Variants in MYC observed in about 807,000 individuals in gnomAD.
MYC encodes the protein myc proto-oncogene protein.
MYC carries 1 observed loss-of-function variant against 30.5 expected under a neutral mutation model. That is an observed-to-expected ratio of 0.03 (90% confidence interval 0.01 to 0.16). The LOEUF is 0.16. Ranked by LOEUF, MYC falls within the 10% of genes least tolerant of loss-of-function variation. MYC has a pLI of 1.00. For synonymous variants in MYC, 267 were observed against 250.7 expected (o/e 1.07, Z -0.62); for missense variants, 508 against 589.0 (o/e 0.86, Z 1.42).
At position 127,741,104 on chromosome 8, in the gene MYC, A is replaced by T; in HGVS notation, c.*146A>T. The T allele has an allele frequency of 1.5e-6, 1 of 654,916 alleles. No homozygotes were observed. The highest frequency in any genetic ancestry group is 3.2e-5 in the East Asian group (1 of 31,652). The allele number at this position is 654,916 out of a possible 1,614,324, so 40.6% of individuals were successfully genotyped here. On this transcript the variant is annotated 3_prime_UTR_variant, in exon 3 of 3. Transcript: ENST00000621592. ...ATTTAGCCATAATGTAAACTGCCTC[A>T]AATTGGACTTTGGGCATAAAAGAAC...
Position 127,740,890 on chromosome 8 carries a change from G to C in MYC, c.1297G>C (p.Asp433His), listed in dbSNP as rs1813699795. 6.2e-7 allele frequency: 1 copy of C among 1,607,606 alleles called. No individual in the cohort carries two copies. The highest frequency in any genetic ancestry group is 8.5e-7 in the Non-Finnish European group (1 of 1,178,184). Residue 433 changes from aspartate to histidine, a missense_variant, in exon 3 of 3, where the codon GAC becomes CAC. By Grantham distance (81) the Asp-to-His change is moderately conservative (BLOSUM62 -1). Coordinates refer to ENST00000621592, the MANE Select transcript of MYC (RefSeq NM_002467.6). ...GGAGCAAAAGCTCATTTCTGAAGAG[G>C]ACTTGTTGCGGAAACGACGAGAACA...
chr8:127,738,905 G>A lies in MYC; in HGVS notation c.688G>A (p.Ala230Thr), dbSNP rs1476455361. 1 of 1,610,874 alleles carries A rather than the reference G, an allele frequency of 6.2e-7. No individual in the cohort carries two copies. Among genetic ancestry groups the A allele is most frequent in the Non-Finnish European group, 8.5e-7 (1 of 1,179,982 alleles). ...GTCCTGCGCCTCGCAAGACTCCAGC[G>A]CCTTCTCTCCGTCCTCGGATTCTCT... The change falls in exon 2 of 3, where the codon GCC becomes ACC. Residue 230 changes from alanine (A) to threonine (T), a missense_variant. Transcript: ENST00000621592. The surrounding 1 kb of genome is among the most constrained non-coding windows in gnomAD (Gnocchi z 7.6).
Position 127,740,510 on chromosome 8 carries a change from C to T in MYC, c.917C>T (p.Pro306Leu), listed in dbSNP as rs766292378. The T allele has an allele frequency of 2.5e-6, 4 of 1,614,104 alleles. No individual in the cohort carries two copies. The South Asian group carries it at 3.3e-5, about 13-fold the overall frequency. The change falls in exon 3 of 3, where the codon CCT (proline) becomes CTT (leucine). Residue 306 changes from proline (P) to leucine (L), a missense_variant. By Grantham distance (98) the Pro-to-Leu change is moderately conservative (BLOSUM62 -3). Coordinates refer to ENST00000621592, the MANE Select transcript of MYC (RefSeq NM_002467.6). ...TCTGCTGGAGGCCACAGCAAACCTC[C>T]TCACAGCCCACTGGTCCTCAAGAGG...
chr8:127,738,225 C>A lies in MYC; in HGVS notation c.31-23C>A. ...GACCCCTTTAACTCAAGACTGCCTC[C>A]CGCTTTGTGTGCCCCGCTCCAGCAG... is the stretch of plus-strand genomic sequence containing the variant. On this transcript the variant is annotated intron_variant, in intron 1 of 2. Coordinates refer to ENST00000621592, the MANE Select transcript of MYC (RefSeq NM_002467.6). The surrounding 1 kb of genome is among the most constrained non-coding windows in gnomAD (Gnocchi z 7.6). 1.9e-6 allele frequency: 3 copies of A among 1,556,548 alleles called. No homozygotes were observed. Among genetic ancestry groups the A allele is most frequent in the Non-Finnish European group, 2.6e-6 (3 of 1,149,468 alleles).
chr8:127,735,768 G>C (rs1813572522), upstream of MYC: 1 of 399,198 alleles, frequency 2.5e-6, no homozygotes, highest in Non-Finnish European at 4.4e-6. Flanking sequence ...GATGCGGTTT[G>C]TCAAACAGTA....
chr8:127,737,789 G>C (rs1813624730), intron 1 of MYC, among the ~76,000 whole-genome samples: 1 of 152,214 alleles, frequency 6.6e-6, no homozygotes, highest in Non-Finnish European at 1.5e-5. Context: ...CAGCGGAGGG[G>C]CCCCGGCGCG....
At chr8:127,735,995 G>C, upstream of MYC, 1 of 398,410 alleles carries the variant, frequency 2.5e-6, no homozygotes, top group Non-Finnish European at 4.4e-6. Context: ...GGGCGTGGGG[G>C]AAAAGAAAAA....
rs749722454 is a variant in MYC at position 127,740,692 on chromosome 8, G to A, written c.1099G>A (p.Glu367Lys). Residue 367 changes from glutamate to lysine, a missense_variant, in exon 3 of 3, where the codon GAG becomes AAG. Glu to Lys is a moderately conservative substitution (Grantham distance 56). Coordinates refer to ENST00000621592, the MANE Select transcript of MYC (RefSeq NM_002467.6). ...CAGCCCCAGGTCCTCGGACACCGAG[G>A]AGAATGTCAAGAGGCGAACACACAA... 5 of 1,614,144 alleles carry A rather than the reference G, an allele frequency of 3.1e-6. No individual in the cohort carries two copies. The highest frequency in any genetic ancestry group is 1.6e-4 in the Middle Eastern group (1 of 6,062).
chr8:127,740,458 G>T lies in MYC; in HGVS notation c.865G>T (p.Gly289Cys), dbSNP rs778030574. 6.2e-7 allele frequency: 1 copy of T among 1,614,066 alleles called. No individual in the cohort carries two copies. The highest frequency in any genetic ancestry group is 1.1e-5 in the South Asian group (1 of 91,056). The change falls in exon 3 of 3, where the codon GGC becomes TGC. Residue 289 changes from glycine to cysteine, a missense_variant. By Grantham distance (159) the Gly-to-Cys change is radical. Transcript: ENST00000621592. ...TTCTGTGGAAAAGAGGCAGGCTCCTGGCAAAAGGTCAGAGTCTGGATCACC... is the reference window on the plus strand; with the variant it reads ...TTCTGTGGAAAAGAGGCAGGCTCCTTGCAAAAGGTCAGAGTCTGGATCACC...
At position 127,740,991 on chromosome 8, in the gene MYC, A is replaced by G; in HGVS notation, c.*33A>G. 4.0e-6 allele frequency: 6 copies of G among 1,516,198 alleles called. No individual in the cohort carries two copies. The highest frequency in any genetic ancestry group is 5.3e-6 in the Non-Finnish European group (6 of 1,137,154). 93.9% of individuals were successfully genotyped at this position (1,516,198 alleles called of 1,614,324 possible). A position where few individuals can be genotyped will look rare whatever the true frequency, so the allele number is the denominator to read the frequency against. The stretch of plus-strand genomic sequence containing the variant: ...TAAGGAAAACGATTCCTTCTAACAG[A>G]AATGTCCTGAGCAATCACCTATGAA... On this transcript the variant is annotated 3_prime_UTR_variant, in exon 3 of 3. Transcript: ENST00000621592.
chr8:127,735,792 G>A, upstream of MYC: 1 of 399,266 alleles, frequency 2.5e-6, no homozygotes, highest in Non-Finnish European at 4.4e-6. Context: ...CTACGGAGGA[G>A]CAGCAGAGAA....
At chr8:127,739,122 A>T in intron 2 of MYC, 103 bp downstream of exon 2, 1 of 1,260,944 alleles carries the variant, frequency 7.9e-7, no homozygotes, top group Non-Finnish European at 1.1e-6. Context: ...GGAAGGAGAG[A>T]TAGCAGATCT....
chr8:127,740,034 A>C (rs991651370), intron 2 of MYC, among the ~76,000 whole-genome samples: 1 of 150,268 alleles, frequency 6.7e-6, no homozygotes, highest in African/African-American at 2.5e-5. Context: ...GCAGTGGCGC[A>C]ATCAACCTCC....
In MYC at chr8:127,738,960, G is replaced by A. The variant is rs1362563336; in HGVS notation, c.743G>A (p.Gly248Asp). The A allele has an allele frequency of 6.4e-7, 1 of 1,573,698 alleles. No homozygotes were observed. The highest frequency in any genetic ancestry group is 8.6e-7 in the Non-Finnish European group (1 of 1,167,728). ...TCCTCGACGGAGTCCTCCCCGCAGGGCAGCCCCGAGCCCCTGGTGCTCCAT... is the reference window on the plus strand; with the variant it reads ...TCCTCGACGGAGTCCTCCCCGCAGGACAGCCCCGAGCCCCTGGTGCTCCAT... Residue 248 changes from glycine to aspartate, a missense_variant, in exon 2 of 3, where the codon GGC becomes GAC. Transcript: ENST00000621592. This position sits in a 1 kb window ranked among gnomAD's most constrained non-coding sequence, Gnocchi z 7.6.
intron 2 of MYC, 47 bp downstream of exon 2, chr8:127,739,066 C>T (rs1813663311): frequency 7.0e-7 from 1 of 1,434,822 alleles, no homozygotes; most frequent in African/African-American, 1.4e-5. Flanking sequence ...GGCTGGATAC[C>T]TTTCCCATTT....
Position 127,742,483 on chromosome 8 carries a change from T to C in MYC, c.*1525T>C, listed in dbSNP as rs1314776240. Reference sequence around the variant, plus strand: ...TGGTCAGGCATCAGTTCCCCTTTTTTTGTGATTTATTTTGTTTTTATTTTG... The same window carrying C: ...TGGTCAGGCATCAGTTCCCCTTTTTCTGTGATTTATTTTGTTTTTATTTTG... On this transcript the variant is annotated 3_prime_UTR_variant, in exon 3 of 3. Coordinates refer to ENST00000621592, the MANE Select transcript of MYC (RefSeq NM_002467.6). Among the ~76,000 whole-genome samples, 1 of 152,184 alleles carries C rather than the reference T, an allele frequency of 6.6e-6. No homozygotes were observed. Among genetic ancestry groups the C allele is most frequent in the Non-Finnish European group, 1.5e-5 (1 of 68,026 alleles).
chr8:127,740,841 A>G lies in MYC; in HGVS notation c.1248A>G (p.Ala416=). 1 of 1,614,194 alleles carries G rather than the reference A, an allele frequency of 6.2e-7. No individual in the cohort carries two copies. Among genetic ancestry groups the G allele is most frequent in the Non-Finnish European group, 8.5e-7 (1 of 1,180,038 alleles). ...TAGTTATCCTTAAAAAAGCCACAGC[A>G]TACATCCTGTCCGTCCAAGCAGAGG... The change falls in exon 3 of 3, where the codon GCA becomes GCG. Residue 416 remains alanine (A), a synonymous_variant. Coordinates refer to ENST00000621592, the MANE Select transcript of MYC (RefSeq NM_002467.6).
Position 127,736,478 on chromosome 8 carries a change from CG to C in MYC, c.-115del. Reference sequence around the variant, plus strand: ...ACTTTGCACTGGAACTTACAACACCCGAGCAAGGACGCGACTCTCCCGACGC... The same window carrying C: ...ACTTTGCACTGGAACTTACAACACCCAGCAAGGACGCGACTCTCCCGACGC... On this transcript the variant is annotated 5_prime_UTR_variant, in exon 1 of 3. Coordinates refer to ENST00000621592, the MANE Select transcript of MYC (RefSeq NM_002467.6). 8.4e-7 allele frequency: 1 copy of C among 1,187,878 alleles called. No individual in the cohort carries two copies. Among genetic ancestry groups the C allele is most frequent in the South Asian group, 1.3e-5 (1 of 75,520 alleles). The allele number at this position is 1,187,878 out of a possible 1,614,324, so 73.6% of individuals were successfully genotyped here. A position where few individuals can be genotyped will look rare whatever the true frequency, so the allele number is the denominator to read the frequency against.
chr8:127,741,082 T>C lies in MYC; in HGVS notation c.*124T>C. On this transcript the variant is annotated 3_prime_UTR_variant, in exon 3 of 3. Transcript: ENST00000621592. ...GGCTGAGTCTTGAGACTGAAAGATT[T>C]AGCCATAATGTAAACTGCCTCAAAT... 2.2e-6 allele frequency: 2 copies of C among 910,288 alleles called. No homozygotes were observed. The highest frequency in any genetic ancestry group is 3.0e-6 in the Non-Finnish European group (2 of 659,924). 56.4% of individuals were successfully genotyped at this position (910,288 alleles called of 1,614,324 possible). A position where few individuals can be genotyped will look rare whatever the true frequency, so the allele number is the denominator to read the frequency against.
Sources: gnomAD v4.1 joint callset for allele counts (sites outside exome capture counted in the v4.1 genomes callset) on GRCh38, gnomAD v4.1.1 for gene constraint, Gnocchi (gnomAD v3.1) non-coding constraint, MANE v1.5 for transcripts, NCBI Gene and HGNC (gene_info 2026-07-23, HGNC 2026-07-21) for gene names.